The following LTBP1 variants were observed in gnomAD, a reference collection of about 807,000 sequenced individuals.
LTBP1 encodes latent transforming growth factor beta binding protein 1.
A neutral mutation model predicts 207.6 loss-of-function variants in LTBP1; 129 were observed. The observed-to-expected ratio is 0.62, with a 90% CI of 0.54 to 0.72. The LOEUF (loss-of-function observed/expected upper bound fraction) is 0.72. Ranked by LOEUF, LTBP1 falls within the 30% of genes least tolerant of loss-of-function variation. The pLI, the probability that LTBP1 is intolerant of heterozygous loss-of-function variation, is 0.00. For synonymous variants in LTBP1, 963 were observed against 833.7 expected (o/e 1.16, Z -2.67); for missense variants, 2,281 against 2,217.2 (o/e 1.03, Z -0.58).
At chr2:32,967,929 A>G (rs1680242364) in intron 2 of LTBP1, among the ~76,000 whole-genome samples, 1 of 152,186 alleles carries the variant, frequency 6.6e-6, no homozygotes, top group Non-Finnish European at 1.5e-5. Context: ...GAAGTATCCA[A>G]CTTCAATAGA....
At chr2:33,062,500 AT>A (rs999600787) in intron 3 of LTBP1, among the ~76,000 whole-genome samples, 10 of 151,704 alleles carry the variant, frequency 6.6e-5, no homozygotes, top group Non-Finnish European at 1.2e-4. Flanking sequence ...AGGATGCTTC[AT>A]TTTTTTTCTT....
At chr2:33,215,742 G>T (rs1267468077) in intron 7 of LTBP1, among the ~76,000 whole-genome samples, 7 of 129,858 alleles carry the variant, frequency 5.4e-5, no homozygotes, top group Non-Finnish European at 3.2e-5. Flanking sequence ...TTTTGAGATA[G>T]AGTCTCGCTC....
intron 3 of LTBP1, among the ~76,000 whole-genome samples, chr2:33,088,762 A>T (rs559777045): frequency 3.9e-5 from 6 of 152,312 alleles, no homozygotes; most frequent in Admixed American, 3.9e-4. Context: ...GTGAAACTAA[A>T]ATTCAAAAAT....
At chr2:33,140,068 C>T (rs2082513772) in intron 5 of LTBP1, among the ~76,000 whole-genome samples, 1 of 152,182 alleles carries the variant, frequency 6.6e-6, no homozygotes, top group Non-Finnish European at 1.5e-5. Context: ...GAATGAATGA[C>T]AACCTCTGGC....
chr2:33,245,385 C>T (rs1159598853), intron 10 of LTBP1, among the ~76,000 whole-genome samples: 1 of 152,158 alleles, frequency 6.6e-6, no homozygotes, highest in African/African-American at 2.4e-5. Flanking sequence ...ATAAAAATGA[C>T]AGTCTCATTT....
chr2:33,286,027 A>G (rs1429857300), intron 19 of LTBP1: 2 of 152,072 alleles, frequency 1.3e-5, no homozygotes, highest in African/African-American at 2.4e-5. Flanking sequence ...CCTGTACTTT[A>G]TTGTCTCTGC....
At chr2:33,389,040 A>T in intron 31 of LTBP1, 144 bp from the exon 32 acceptor site, 1 of 1,137,806 alleles carries the variant, frequency 8.8e-7, no homozygotes, top group Non-Finnish European at 1.3e-6. Flanking sequence ...ATATTCAGAC[A>T]CTTTCCAGGC....
chr2:33,230,962 A>G (rs2091751739), intron 9 of LTBP1, among the ~76,000 whole-genome samples: 1 of 152,186 alleles, frequency 6.6e-6, no homozygotes, highest in African/African-American at 2.4e-5. Flanking sequence ...ACACTTTTAT[A>G]ATTCAGTGTA....
intron 25 of LTBP1, among the ~76,000 whole-genome samples, chr2:33,346,720 C>T (rs983780166): frequency 9.9e-5 from 15 of 150,966 alleles, no homozygotes; most frequent in Non-Finnish European, 1.8e-4. Context: ...AGTGTTGCGT[C>T]ATTTAAGACT....
At chr2:33,087,631 G>A (rs985089337) in intron 3 of LTBP1, among the ~76,000 whole-genome samples, 7 of 152,104 alleles carry the variant, frequency 4.6e-5, no homozygotes, top group African/African-American at 1.2e-4. Context: ...CCTGCCCCCA[G>A]CTTCAATCAT....
At chr2:32,973,625 T>G (rs944506009) in intron 2 of LTBP1, among the ~76,000 whole-genome samples, 1 of 152,172 alleles carries the variant, frequency 6.6e-6, no homozygotes, top group Admixed American at 6.5e-5. Context: ...CATTTAAAAA[T>G]GTACAATCAG....
intron 3 of LTBP1, among the ~76,000 whole-genome samples, chr2:33,058,087 G>A (rs1451302258): frequency 3.3e-5 from 5 of 152,214 alleles, no homozygotes; most frequent in African/African-American, 1.2e-4. Context: ...ACTTTGGCCT[G>A]GGATAAACTG....
chr2:33,333,264 T>C (rs2094517959), intron 24 of LTBP1, among the ~76,000 whole-genome samples: 1 of 151,352 alleles, frequency 6.6e-6, no homozygotes, highest in African/African-American at 2.4e-5. Context: ...GTTCAGAAAA[T>C]AATTTTGTTC....
Position 33,000,285 on chromosome 2 carries a change from G to C in LTBP1, c.566-20624G>C, listed in dbSNP as rs866073126. Among the ~76,000 whole-genome samples the C allele has an allele frequency of 3.1e-4, 42 of 134,548 alleles. 6 individuals are homozygous for C. Among genetic ancestry groups the C allele is most frequent in the African/African-American group, 8.0e-4 (31 of 38,604 alleles). The allele number at this position is 134,548 out of a possible 152,430, so 88.3% of individuals were successfully genotyped here. ...AACATATCTGAAAGCAATAACTTAA[G>C]CCTACCCTTAGAATGACCCTATATG... On this transcript the variant is annotated intron_variant, in intron 2 of 33. Coordinates refer to ENST00000404816, the MANE Select transcript of LTBP1 (RefSeq NM_206943.4).
At chr2:33,101,362 G>A (rs1167129620) in intron 3 of LTBP1, among the ~76,000 whole-genome samples, 1 of 152,158 alleles carries the variant, frequency 6.6e-6, no homozygotes, top group Non-Finnish European at 1.5e-5. Context: ...TTATCAGAGG[G>A]ATGAAATTCT....
intron 11 of LTBP1, among the ~76,000 whole-genome samples, chr2:33,257,071 G>A (rs1188048085): frequency 2.6e-5 from 4 of 151,498 alleles, no homozygotes; most frequent in Non-Finnish European, 4.4e-5. Flanking sequence ...ATGGAAAAAT[G>A]TTTAGTAAAA....
intron 3 of LTBP1, among the ~76,000 whole-genome samples, chr2:33,032,885 GA>G (rs2075751956): frequency 6.6e-6 from 1 of 152,120 alleles, no homozygotes; most frequent in Non-Finnish European, 1.5e-5. Context: ...ACCTAGTGAG[GA>G]AATGCTATAC....
At chr2:33,133,640 A>G (rs2081954532) in intron 4 of LTBP1, among the ~76,000 whole-genome samples, 1 of 152,196 alleles carries the variant, frequency 6.6e-6, no homozygotes, top group Admixed American at 6.5e-5. Context: ...TTCTGCCGTC[A>G]TAGCACAAAA....
intron 1 of LTBP1, 92 bp downstream of exon 1, chr2:32,947,910 G>C: frequency 8.6e-7 from 1 of 1,163,412 alleles, no homozygotes; most frequent in East Asian, 3.3e-5. Context: ...GAGCCCCGCG[G>C]TGGCCAGGGC....
Sources: gnomAD v4.1 joint callset for allele counts (sites outside exome capture counted in the v4.1 genomes callset) on GRCh38, gnomAD v4.1.1 for gene constraint, MANE v1.5 for transcripts, NCBI Gene and HGNC (gene_info 2026-07-23, HGNC 2026-07-21) for gene names.